DRC11: variants seen among roughly 807,000 people sequenced by gnomAD.
The protein encoded by DRC11 is IQ and AAA domain-containing protein 1.
At chr2:236,316,478 A>G in the DRC11 span, among the ~76,000 whole-genome samples, 1 of 152,184 alleles carries the variant, frequency 6.6e-6, no homozygotes, top group Non-Finnish European at 1.5e-5. This position sits in a 1 kb window ranked among gnomAD's most constrained non-coding sequence, Gnocchi z 6.8. Context: ...AAAAGACACC[A>G]TTATGACAGT....
At chr2:236,357,386 G>T in the DRC11 span, among the ~76,000 whole-genome samples, 20,963 of 112,902 alleles carry the variant, frequency 0.19, 2,073 homozygotes, top group Non-Finnish European at 0.23. Flanking sequence ...ATATAGTATA[G>T]ATATTATATA....
the DRC11 span, among the ~76,000 whole-genome samples, chr2:236,443,356 A>G: frequency 6.6e-6 from 1 of 151,948 alleles, no homozygotes; most frequent in Non-Finnish European, 1.5e-5. The surrounding 1 kb of genome is among the most constrained non-coding windows in gnomAD (Gnocchi z 4.4). Context: ...CTGCCCCAAC[A>G]GGCCCTCCCC....
chr2:236,399,642 T>C, the DRC11 span, among the ~76,000 whole-genome samples: 3 of 152,264 alleles, frequency 2.0e-5, no homozygotes, highest in South Asian at 6.2e-4. The surrounding 1 kb of genome is among the most constrained non-coding windows in gnomAD (Gnocchi z 7.0). Context: ...TATGGAGTGC[T>C]GTGTCCACTG....
At chr2:236,319,121 T>C in the DRC11 span, among the ~76,000 whole-genome samples, 1 of 152,174 alleles carries the variant, frequency 6.6e-6, no homozygotes, top group Admixed American at 6.5e-5. The surrounding 1 kb of genome is among the most constrained non-coding windows in gnomAD (Gnocchi z 6.7). Flanking sequence ...ATGCCCCTCC[T>C]CCTTCTTCAT....
chr2:236,366,135 C>T, the DRC11 span, among the ~76,000 whole-genome samples: 1 of 152,196 alleles, frequency 6.6e-6, no homozygotes, highest in Non-Finnish European at 1.5e-5. Context: ...CTTCACTTCT[C>T]CCTGATCTCT....
At chr2:236,468,381 C>T in the DRC11 span, among the ~76,000 whole-genome samples, 3 of 152,106 alleles carry the variant, frequency 2.0e-5, no homozygotes, top group African/African-American at 7.2e-5. Flanking sequence ...GGTGAACGAC[C>T]ATGCCCGGCT....
the DRC11 span, among the ~76,000 whole-genome samples, chr2:236,353,130 G>A: frequency 6.6e-6 from 1 of 152,152 alleles, no homozygotes; most frequent in South Asian, 2.1e-4. This position sits in a 1 kb window ranked among gnomAD's most constrained non-coding sequence, Gnocchi z 5.0. Context: ...CTATGAAAAG[G>A]CTTCATTTAA....
the DRC11 span, among the ~76,000 whole-genome samples, chr2:236,482,753 T>C: frequency 7.2e-5 from 11 of 152,212 alleles, no homozygotes; most frequent in African/African-American, 2.4e-4. This position sits in a 1 kb window ranked among gnomAD's most constrained non-coding sequence, Gnocchi z 4.5. Flanking sequence ...ATTGATGATA[T>C]CTTAAAGATT....
the DRC11 span, among the ~76,000 whole-genome samples, chr2:236,503,999 A>G: frequency 6.6e-6 from 1 of 152,126 alleles, no homozygotes; most frequent in African/African-American, 2.4e-5. This position sits in a 1 kb window ranked among gnomAD's most constrained non-coding sequence, Gnocchi z 4.9. Flanking sequence ...CAAGTGTACA[A>G]TTCAGTGGTT....
At chr2:236,392,010 T>A in the DRC11 span, 2 of 1,613,854 alleles carry the variant, frequency 1.2e-6, no homozygotes, top group Non-Finnish European at 1.7e-6. This position sits in a 1 kb window ranked among gnomAD's most constrained non-coding sequence, Gnocchi z 5.1. Flanking sequence ...CACTGGGCGC[T>A]CCCTTTCTCT....
At chr2:236,362,156 T>C in the DRC11 span, among the ~76,000 whole-genome samples, 1 of 152,170 alleles carries the variant, frequency 6.6e-6, no homozygotes, top group Non-Finnish European at 1.5e-5. This position sits in a 1 kb window ranked among gnomAD's most constrained non-coding sequence, Gnocchi z 5.7. Context: ...TGCATATAGT[T>C]GGAGAGCTCC....
the DRC11 span, chr2:236,377,237 G>A: frequency 6.6e-5 from 75 of 1,141,084 alleles, no homozygotes; most frequent in South Asian, 7.7e-4. The surrounding 1 kb of genome is among the most constrained non-coding windows in gnomAD (Gnocchi z 4.9). Context: ...AGAAATCGGC[G>A]GTATTTCTGT....
At chr2:236,340,679 C>T in the DRC11 span, among the ~76,000 whole-genome samples, 1 of 152,174 alleles carries the variant, frequency 6.6e-6, no homozygotes, top group Admixed American at 6.5e-5. Context: ...TCTGAGCCCA[C>T]CCTCAGCAAC....
At chr2:236,371,093 C>G in the DRC11 span, among the ~76,000 whole-genome samples, 2 of 152,188 alleles carry the variant, frequency 1.3e-5, no homozygotes, top group East Asian at 1.9e-4. This position sits in a 1 kb window ranked among gnomAD's most constrained non-coding sequence, Gnocchi z 5.1. Flanking sequence ...TGGAGACATC[C>G]ATCCGGGCAA....
At chr2:236,428,497 G>C in the DRC11 span, among the ~76,000 whole-genome samples, 1 of 151,612 alleles carries the variant, frequency 6.6e-6, no homozygotes, top group Non-Finnish European at 1.5e-5. Context: ...GATCTTATTT[G>C]CCCTTTTTAC....
chr2:236,316,145 TTCTCTCTC>T, the DRC11 span, among the ~76,000 whole-genome samples: 122 of 146,210 alleles, frequency 8.3e-4, no homozygotes, highest in South Asian at 3.3e-3. The surrounding 1 kb of genome is among the most constrained non-coding windows in gnomAD (Gnocchi z 6.8). Context: ...ACTTATTTTC[TTCTCTCTC>T]TCTCTCTCTC....
At chr2:236,475,973 G>A in the DRC11 span, among the ~76,000 whole-genome samples, 1 of 152,118 alleles carries the variant, frequency 6.6e-6, no homozygotes, top group Admixed American at 6.6e-5. The surrounding 1 kb of genome is among the most constrained non-coding windows in gnomAD (Gnocchi z 4.8). Context: ...GGTTACTACC[G>A]TTTTGTAGTA....
the DRC11 span, among the ~76,000 whole-genome samples, chr2:236,401,935 C>G: frequency 6.6e-6 from 1 of 152,208 alleles, no homozygotes; most frequent in African/African-American, 2.4e-5. This position sits in a 1 kb window ranked among gnomAD's most constrained non-coding sequence, Gnocchi z 4.6. Context: ...AACTTATGTT[C>G]TTTAAAGAGG....
the DRC11 span, among the ~76,000 whole-genome samples, chr2:236,502,606 G>A: frequency 8.0e-6 from 1 of 124,408 alleles, no homozygotes; most frequent in South Asian, 2.6e-4. Flanking sequence ...ATACTTTAAT[G>A]CAGAGAAAAA....
Sources: gnomAD v4.1 joint callset for allele counts (sites outside exome capture counted in the v4.1 genomes callset) on GRCh38, gnomAD v4.1.1 for gene constraint, Gnocchi (gnomAD v3.1) non-coding constraint, MANE v1.5 for transcripts, NCBI Gene and HGNC (gene_info 2026-07-23, HGNC 2026-07-21) for gene names.